Variants in FHIT observed in about 807,000 individuals in gnomAD.
FHIT encodes fragile histidine triad diadenosine triphosphatase, also known as bis(5'-adenosyl)-triphosphatase.
A neutral mutation model predicts 17.9 loss-of-function variants in FHIT; 19 were observed. That is an observed-to-expected ratio of 1.06 (90% CI 0.74 to 1.56). FHIT has a LOEUF of 1.56. FHIT is among the 40% of genes most tolerant of loss of function. The probability of loss-of-function intolerance (pLI) is 0.00; values close to 1 mark genes in which losing one functional copy is unlikely to be tolerated. For missense variants in FHIT, 248 were observed against 189.2 expected (o/e 1.31, Z -1.82); for synonymous variants, 81 against 69.7 (o/e 1.16, Z -0.81).
intron 5 of FHIT, among the ~76,000 whole-genome samples, chr3:60,351,241 T>C (rs1472070266): frequency 6.6e-6 from 1 of 152,222 alleles, no homozygotes; most frequent in African/African-American, 2.4e-5. Context: ...ATTAACTGTA[T>C]CACTAGGCAC....
At chr3:59,842,980 CAAATAAAATATCATGAGGCTT>C (rs1005601252) in intron 8 of FHIT, among the ~76,000 whole-genome samples, 11 of 151,960 alleles carry the variant, frequency 7.2e-5, no homozygotes, top group African/African-American at 2.7e-4. Flanking sequence ...AAATAATTGC[CAAATAAAATATCATGAGGCTT>C]TTGCTCTAAA....
At chr3:60,253,259 T>C (rs213401) in intron 5 of FHIT, among the ~76,000 whole-genome samples, 51,627 of 152,014 alleles carry the variant, frequency 0.34, 9,206 homozygotes, top group African/African-American at 0.39. Flanking sequence ...CCAATTAATG[T>C]CAGAAAAGGA....
intron 5 of FHIT, among the ~76,000 whole-genome samples, chr3:60,055,564 C>T (rs997902470): frequency 1.3e-5 from 2 of 151,398 alleles, no homozygotes; most frequent in East Asian, 1.9e-4. Flanking sequence ...CCAAGAAAAA[C>T]TGTATTGCAA....
At chr3:59,994,568 C>T (rs925051304) in intron 7 of FHIT, among the ~76,000 whole-genome samples, 1 of 152,118 alleles carries the variant, frequency 6.6e-6, no homozygotes, top group Non-Finnish European at 1.5e-5. Flanking sequence ...AACGTACTTC[C>T]ACTGCCCTCA....
intron 2 of FHIT, among the ~76,000 whole-genome samples, chr3:61,199,486 C>G (rs1407295103): frequency 2.6e-5 from 4 of 152,162 alleles, no homozygotes; most frequent in Admixed American, 6.5e-5. Context: ...TCCAAGCCAA[C>G]CAGTTTTCAT....
In FHIT at chr3:61,130,036, G is replaced by GATA. The variant is rs547914165; in HGVS notation, c.-164+70580_-164+70581insTAT. 2.0e-4 allele frequency among the ~76,000 whole-genome samples: 30 copies of GATA among 152,260 alleles called. 1 individual carries two copies. In the East Asian group the frequency reaches 5.8e-3, roughly 29 times the overall value. ...TGTATTTGTTAACCACTACATTCTAGGCTGTGTGCTAGAGGTGCCACAGAG... is the reference window on the plus strand; with the variant it reads ...TGTATTTGTTAACCACTACATTCTAGATAGCTGTGTGCTAGAGGTGCCACAGAG... On this transcript the variant is annotated intron_variant, in intron 2 of 9. Transcript: ENST00000492590.
chr3:59,834,795 A>G (rs531438295), intron 8 of FHIT, among the ~76,000 whole-genome samples: 2 of 152,318 alleles, frequency 1.3e-5, no homozygotes, highest in South Asian at 4.1e-4. Flanking sequence ...TCAGTCTATA[A>G]CAGATAGACA....
chr3:60,652,338 C>T (rs957237393), intron 4 of FHIT, among the ~76,000 whole-genome samples: 14 of 152,284 alleles, frequency 9.2e-5, no homozygotes, highest in African/African-American at 1.2e-4. Context: ...TGGTAGTTCA[C>T]GTCTGTAATC....
chr3:60,137,095 G>A (rs1412766653), intron 5 of FHIT, among the ~76,000 whole-genome samples: 2 of 152,172 alleles, frequency 1.3e-5, no homozygotes, highest in African/African-American at 4.8e-5. Flanking sequence ...CAGGTAGTAA[G>A]AACTAACAAA....
intron 7 of FHIT, among the ~76,000 whole-genome samples, chr3:59,954,221 G>GTTTTT (rs5849313): frequency 0.1 from 12,211 of 120,440 alleles, 824 homozygotes; most frequent in Admixed American, 0.13. Context: ...ATTTTGTTCT[G>GTTTTT]TTTTTTTTTC....
chr3:60,549,854 T>C (rs1462143425), intron 4 of FHIT, among the ~76,000 whole-genome samples: 1 of 152,212 alleles, frequency 6.6e-6, no homozygotes, highest in Non-Finnish European at 1.5e-5. Flanking sequence ...TGTTATTTCA[T>C]TATGGCCAGG....
At chr3:61,131,369 T>C (rs561849176) in intron 2 of FHIT, among the ~76,000 whole-genome samples, 2 of 152,298 alleles carry the variant, frequency 1.3e-5, no homozygotes, top group African/African-American at 2.4e-5. Flanking sequence ...CAAAGTCAAA[T>C]TGGCAAAAAG....
intron 5 of FHIT, among the ~76,000 whole-genome samples, chr3:60,021,232 C>T (rs1046893220): frequency 3.3e-5 from 5 of 152,250 alleles, no homozygotes; most frequent in African/African-American, 9.6e-5. Context: ...TATGATGAGA[C>T]CTTGTTCATC....
chr3:60,854,133 T>C (rs1314839741), intron 3 of FHIT, among the ~76,000 whole-genome samples: 1 of 152,136 alleles, frequency 6.6e-6, no homozygotes. Flanking sequence ...TCTGGCCACC[T>C]GGGTATCATA....
intron 5 of FHIT, among the ~76,000 whole-genome samples, chr3:60,501,896 AAAG>A (rs1319343031): frequency 1.3e-5 from 2 of 152,230 alleles, no homozygotes; most frequent in African/African-American, 4.8e-5. Flanking sequence ...TGAAGTACTC[AAAG>A]AAAAGCTAAA....
chr3:60,053,124 C>A (rs1701949596), intron 5 of FHIT, among the ~76,000 whole-genome samples: 1 of 151,744 alleles, frequency 6.6e-6, no homozygotes, highest in Non-Finnish European at 1.5e-5. Context: ...ATCTTCTTTC[C>A]ATTTAGAATG....
At chr3:60,479,853 C>G (rs1393197305) in intron 5 of FHIT, among the ~76,000 whole-genome samples, 1 of 152,158 alleles carries the variant, frequency 6.6e-6, no homozygotes, top group Non-Finnish European at 1.5e-5. Flanking sequence ...CTGTCCATCC[C>G]CCATGACCCC....
intron 3 of FHIT, among the ~76,000 whole-genome samples, chr3:61,020,833 T>C (rs936659098): frequency 6.6e-6 from 1 of 152,002 alleles, no homozygotes; most frequent in African/African-American, 2.4e-5. Flanking sequence ...AAAGGGATGG[T>C]AGAATATTTA....
chr3:60,121,852 C>G (rs1399348933), intron 5 of FHIT, among the ~76,000 whole-genome samples: 1 of 152,010 alleles, frequency 6.6e-6, no homozygotes, highest in Non-Finnish European at 1.5e-5. Context: ...TCCAAGCCTC[C>G]CTTTCTGAAA....
Sources: allele counts gnomAD v4.1 joint callset (sites outside exome capture counted in the v4.1 genomes callset), GRCh38; gene constraint gnomAD v4.1.1; transcripts MANE v1.5; gene names NCBI Gene and HGNC (gene_info 2026-07-23, HGNC 2026-07-21).